Variants in ATG7 observed in about 807,000 individuals in gnomAD.
ATG7 encodes ubiquitin-like modifier-activating enzyme ATG7.
In ATG7, 70 loss-of-function variants were observed where a neutral mutation model predicts 82.4. That is an observed-to-expected ratio of 0.85 (90% confidence interval 0.70 to 1.04). The LOEUF is 1.04. ATG7 is among the 50% of genes least tolerant of loss of function. ATG7 has a pLI of 0.00. For missense variants in ATG7, 792 were observed against 864.3 expected, an observed-to-expected ratio of 0.92 and a Z score of 1.05; for synonymous variants, 287 against 313.0, an observed-to-expected ratio of 0.92 and a Z score of 0.88.
chr3:11,497,067 T>A lies in ATG7; in HGVS notation c.2080-57744T>A, dbSNP rs181371861. Among the ~76,000 whole-genome samples the A allele has an allele frequency of 8.2e-4, 124 of 151,720 alleles. 2 individuals are homozygous for A. In the East Asian group the frequency reaches 0.024, roughly 29 times the overall value. On this transcript the variant is annotated intron_variant, in intron 20 of 20. Coordinates refer to ENST00000693202, the MANE Select transcript of ATG7 (RefSeq NM_001349232.2). ...GGTTTCACCGTGTTGGCCAGGCTGG[T>A]CTCAAACTCATCAACTCAAGTGATC...
chr3:11,466,986 T>G (rs2086890907), intron 20 of ATG7, among the ~76,000 whole-genome samples: 1 of 151,922 alleles, frequency 6.6e-6, no homozygotes, highest in Admixed American at 6.6e-5. Context: ...AAATTAGGTG[T>G]GGTGGCGGGC....
intron 20 of ATG7, among the ~76,000 whole-genome samples, chr3:11,466,867 C>T (rs1360084066): frequency 6.6e-6 from 1 of 152,148 alleles, no homozygotes; most frequent in Non-Finnish European, 1.5e-5. Context: ...TGGTGGCACA[C>T]ACCTGTAATC....
chr3:11,486,866 TGG>T, intron 20 of ATG7, among the ~76,000 whole-genome samples: 1 of 149,574 alleles, frequency 6.7e-6, no homozygotes, highest in Non-Finnish European at 1.5e-5. Context: ...TGATAATTCT[TGG>T]GTGTTTCTCA....
chr3:11,315,443 G>A lies in ATG7; in HGVS notation c.628G>A (p.Val210Ile). 1 of 1,612,440 alleles carries A rather than the reference G, an allele frequency of 6.2e-7. No homozygotes were observed. Among genetic ancestry groups the A allele is most frequent in the African/African-American group, 1.3e-5 (1 of 74,996 alleles). Residue 210 changes from valine (V) to isoleucine (I), a missense_variant, in exon 9 of 21, where the codon GTT becomes ATT. Physicochemically the swap from Val to Ile is conservative, Grantham distance 29. Transcript: ENST00000693202. ...LIKYDENMVL[V>I]SLLKHYSDFF... Reference sequence around the variant, plus strand: ...CAAGTATGATGAGAACATGGTGCTGGTTTCCTTGCTTAAACACTACAGTGA... The same window carrying A: ...CAAGTATGATGAGAACATGGTGCTGATTTCCTTGCTTAAACACTACAGTGA...
At chr3:11,573,888 G>A in the ATG7 span, among the ~76,000 whole-genome samples, 8 of 152,198 alleles carry the variant, frequency 5.3e-5, no homozygotes, top group Non-Finnish European at 8.8e-5. Context: ...TTATGAGGGC[G>A]TGCTCTAATC....
chr3:11,423,551 C>T (rs545538972), intron 19 of ATG7, among the ~76,000 whole-genome samples: 1 of 152,122 alleles, frequency 6.6e-6, no homozygotes, highest in East Asian at 1.9e-4. Context: ...GACATTTTTT[C>T]CTGACGTAAC....
intron 20 of ATG7, among the ~76,000 whole-genome samples, chr3:11,546,565 AAAG>A (rs1205802822): frequency 3.9e-5 from 6 of 152,242 alleles, no homozygotes; most frequent in Admixed American, 2.0e-4. Context: ...AGTGTTTATA[AAAG>A]AAGAACCTTA....
intron 1 of ATG7, among the ~76,000 whole-genome samples, chr3:11,273,684 T>C (rs1035293966): frequency 1.3e-4 from 20 of 152,220 alleles, no homozygotes; most frequent in African/African-American, 4.3e-4. Context: ...TTGCCTGTTA[T>C]GTGCCTGGCA....
intron 20 of ATG7, among the ~76,000 whole-genome samples, chr3:11,521,997 G>A (rs1236155670): frequency 6.6e-6 from 1 of 152,122 alleles, no homozygotes; most frequent in African/African-American, 2.4e-5. Flanking sequence ...CAGTCCTGAC[G>A]TAGCTACCAT....
At chr3:11,302,975 G>T (rs904032708) in intron 5 of ATG7, among the ~76,000 whole-genome samples, 2 of 152,198 alleles carry the variant, frequency 1.3e-5, no homozygotes, top group Non-Finnish European at 2.9e-5. Flanking sequence ...AAATGTAAGG[G>T]CCCAAACACT....
At chr3:11,350,936 A>G (rs2075490949) in intron 14 of ATG7, among the ~76,000 whole-genome samples, 1 of 151,016 alleles carries the variant, frequency 6.6e-6, no homozygotes, top group Admixed American at 6.6e-5. Context: ...AAAAAAAAAA[A>G]AAAAAAAAAA....
intron 1 of ATG7, among the ~76,000 whole-genome samples, chr3:11,279,786 A>C (rs1038888659): frequency 3.3e-5 from 5 of 152,128 alleles, no homozygotes; most frequent in African/African-American, 1.2e-4. Flanking sequence ...TCATCAGTCT[A>C]ATTTAGATAT....
At position 11,404,234 on chromosome 3, in the gene ATG7, C is replaced by T. The variant is rs1441560469; in HGVS notation, c.1957-22570C>T. ...CACTGCAACCTCCATCTCCCGGGTT[C>T]AAGTGATTGTCCTGCCTCAGCCTCC... On this transcript the variant is annotated intron_variant, in intron 19 of 20. Transcript: ENST00000693202. Among the ~76,000 whole-genome samples, 4 of 143,444 alleles carry T rather than the reference C, an allele frequency of 2.8e-5. No homozygotes were observed. In the East Asian group the frequency reaches 8.7e-4, roughly 31 times the overall value. 94.1% of individuals were successfully genotyped at this position (143,444 alleles called of 152,430 possible).
chr3:11,482,782 C>T (rs2089162001), intron 20 of ATG7, among the ~76,000 whole-genome samples: 1 of 151,252 alleles, frequency 6.6e-6, no homozygotes, highest in Admixed American at 6.6e-5. Flanking sequence ...CTTTTATTAT[C>T]ATTTTTGTAC....
chr3:11,515,960 A>T (rs2092265945), intron 20 of ATG7, among the ~76,000 whole-genome samples: 1 of 151,938 alleles, frequency 6.6e-6, no homozygotes, highest in Non-Finnish European at 1.5e-5. Flanking sequence ...GAAGATCAGA[A>T]AGTTTGTGGA....
intron 20 of ATG7, among the ~76,000 whole-genome samples, chr3:11,511,619 C>T (rs528682605): frequency 4.6e-5 from 7 of 152,296 alleles, no homozygotes; most frequent in Non-Finnish European, 7.4e-5. Flanking sequence ...CTTGGGCGGT[C>T]GATGGGACTG....
intron 20 of ATG7, among the ~76,000 whole-genome samples, chr3:11,527,041 A>ATGTGTGTGTGTG (rs370131709): frequency 7.2e-6 from 1 of 138,322 alleles, no homozygotes; most frequent in Admixed American, 7.5e-5. Context: ...GTGTGTATAT[A>ATGTGTGTGTGTG]TGTGTGTGTG....
chr3:11,336,212 T>C (rs1952458729), intron 11 of ATG7, among the ~76,000 whole-genome samples: 2 of 151,796 alleles, frequency 1.3e-5, no homozygotes, highest in Non-Finnish European at 2.9e-5. Flanking sequence ...TTTTTTGTAT[T>C]TTAGTAGAGA....
intron 20 of ATG7, among the ~76,000 whole-genome samples, chr3:11,471,885 G>A (rs2087585570): frequency 6.6e-6 from 1 of 151,364 alleles, no homozygotes; most frequent in Non-Finnish European, 1.5e-5. Flanking sequence ...TTATAGGCGT[G>A]TGTCACCATG....
Sources: allele counts gnomAD v4.1 joint callset (sites outside exome capture counted in the v4.1 genomes callset), GRCh38; gene constraint gnomAD v4.1.1; transcripts MANE v1.5; gene names NCBI Gene and HGNC (gene_info 2026-07-23, HGNC 2026-07-21).